The following ITPR1 variants were observed in gnomAD, a reference collection of about 807,000 sequenced individuals.
The protein encoded by ITPR1 is inositol 1,4,5-trisphosphate receptor type 1, also known as inositol 1,4,5-trisphosphate-gated calcium channel ITPR1.
A neutral mutation model predicts 318.4 loss-of-function variants in ITPR1; 96 were observed. That is an observed-to-expected ratio of 0.30 (90% CI 0.26 to 0.36). The LOEUF (loss-of-function observed/expected upper bound fraction) is 0.36. ITPR1 is among the 10% of genes least tolerant of loss of function. The pLI, the probability that ITPR1 is intolerant of heterozygous loss-of-function variation, is 1.00. For missense variants in ITPR1, 2,440 were observed against 3,460.2 expected (o/e 0.71, Z 7.40); for synonymous variants, 1,312 against 1,289.9 (o/e 1.02, Z -0.37).
chr3:4,842,657 GT>G (rs1290759579), intron 61 of ITPR1, among the ~76,000 whole-genome samples: 1 of 152,050 alleles, frequency 6.6e-6, no homozygotes, highest in Non-Finnish European at 1.5e-5. Flanking sequence ...ATGCCCAGCC[GT>G]TTTGAGGATT....
At chr3:4,729,612 C>G (rs1186673701) in intron 42 of ITPR1, among the ~76,000 whole-genome samples, 2 of 152,194 alleles carry the variant, frequency 1.3e-5, no homozygotes, top group Non-Finnish European at 2.9e-5. Context: ...TCTTCCCACG[C>G]AGTTCATTCG....
chr3:4,521,103 G>T lies in ITPR1; in HGVS notation c.163+9G>T. ...ACCTAAGAAATTCAGAGGTAAGGTG[G>T]TGGCTTTCCTGGAGTAGTCACCTTG... On this transcript the variant is annotated intron_variant, in intron 4 of 61. Coordinates refer to ENST00000649015, the MANE Select transcript of ITPR1 (RefSeq NM_001378452.1). 7 of 1,606,106 alleles carry T rather than the reference G, an allele frequency of 4.4e-6. No homozygotes were observed. In the South Asian group the frequency reaches 7.7e-5, roughly 18 times the overall value.
chr3:4,786,976 G>A (rs1261026211), intron 51 of ITPR1, among the ~76,000 whole-genome samples: 1 of 152,174 alleles, frequency 6.6e-6, no homozygotes, highest in Non-Finnish European at 1.5e-5. Context: ...TTATACCACT[G>A]CCTAGCAGTG....
At chr3:4,681,629 G>A (rs1485259615) in intron 26 of ITPR1, among the ~76,000 whole-genome samples, 17 of 142,826 alleles carry the variant, frequency 1.2e-4, no homozygotes, top group African/African-American at 3.5e-4. Flanking sequence ...GAGAAAGTGT[G>A]TGTGTGTGTG....
chr3:4,509,260 C>T (rs554708934), intron 2 of ITPR1, among the ~76,000 whole-genome samples: 2 of 152,288 alleles, frequency 1.3e-5, no homozygotes, highest in African/African-American at 4.8e-5. Flanking sequence ...AATTCAGACT[C>T]ACATATTCTG....
intron 2 of ITPR1, among the ~76,000 whole-genome samples, chr3:4,509,439 G>T (rs1350968935): frequency 6.6e-6 from 1 of 152,208 alleles, no homozygotes; most frequent in Non-Finnish European, 1.5e-5. Context: ...GGGCCAAGTA[G>T]GTTTCTGTTC....
At chr3:4,704,882 CAT>C (rs1210313634) in intron 36 of ITPR1, among the ~76,000 whole-genome samples, 1 of 152,028 alleles carries the variant, frequency 6.6e-6, no homozygotes, top group Non-Finnish European at 1.5e-5. Context: ...ATATCCAAGG[CAT>C]AGAGTTTCTA....
chr3:4,668,253 C>G (rs2093993766), intron 18 of ITPR1, among the ~76,000 whole-genome samples: 2 of 149,298 alleles, frequency 1.3e-5, no homozygotes, highest in African/African-American at 5.0e-5. Context: ...ACATCCCCAC[C>G]TCCCCCCTGC....
chr3:4,727,639 A>G (rs1033817562), intron 42 of ITPR1, among the ~76,000 whole-genome samples: 6 of 152,182 alleles, frequency 3.9e-5, no homozygotes, highest in Non-Finnish European at 7.3e-5. Context: ...TAGTGGTGCA[A>G]TCTCAGCTCA....
At chr3:4,803,229 C>T (rs1319535854) in intron 54 of ITPR1, among the ~76,000 whole-genome samples, 1 of 152,208 alleles carries the variant, frequency 6.6e-6, no homozygotes, top group Non-Finnish European at 1.5e-5. Flanking sequence ...ATCCAGTCAC[C>T]TCCCCCCAGG....
chr3:4,752,571 A>G (rs758250168), intron 44 of ITPR1, among the ~76,000 whole-genome samples: 1 of 152,242 alleles, frequency 6.6e-6, no homozygotes, highest in Admixed American at 6.5e-5. Flanking sequence ...TCTTCTGGCC[A>G]TAAAGTTATA....
chr3:4,627,171 A>T (rs965879514), intron 4 of ITPR1, among the ~76,000 whole-genome samples: 25 of 103,850 alleles, frequency 2.4e-4, no homozygotes, highest in African/African-American at 2.0e-3. Context: ...GGATTTGTAT[A>T]AAAAAAAAAA....
intron 4 of ITPR1, among the ~76,000 whole-genome samples, chr3:4,588,028 G>T (rs754504653): frequency 6.6e-6 from 1 of 152,002 alleles, no homozygotes; most frequent in Non-Finnish European, 1.5e-5. Flanking sequence ...CCCCCTCTTG[G>T]TATGAAATTA....
chr3:4,797,577 T>G (rs2047978385), intron 53 of ITPR1, among the ~76,000 whole-genome samples: 1 of 152,200 alleles, frequency 6.6e-6, no homozygotes, highest in African/African-American at 2.4e-5. Context: ...TTACAGTCTT[T>G]CAAAAGCGTG....
At chr3:4,534,916 AGAACTTTGC>A (rs1240673643) in intron 4 of ITPR1, among the ~76,000 whole-genome samples, 1 of 152,230 alleles carries the variant, frequency 6.6e-6, no homozygotes, top group Non-Finnish European at 1.5e-5. Flanking sequence ...CTATCACTTG[AGAACTTTGC>A]TTCGGTCTTG....
intron 2 of ITPR1, among the ~76,000 whole-genome samples, chr3:4,516,140 C>G (rs2082155147): frequency 6.6e-6 from 1 of 152,182 alleles, no homozygotes; most frequent in Non-Finnish European, 1.5e-5. Context: ...TAGTCACTGC[C>G]ACGTTCTTGG....
intron 2 of ITPR1, among the ~76,000 whole-genome samples, chr3:4,507,553 C>T (rs371118810): frequency 9.9e-5 from 15 of 152,284 alleles, no homozygotes; most frequent in African/African-American, 3.6e-4. Flanking sequence ...TGCAAAGAAA[C>T]GCTGAGAATG....
chr3:4,840,333 A>G (rs983399081), intron 61 of ITPR1, among the ~76,000 whole-genome samples: 5 of 152,194 alleles, frequency 3.3e-5, no homozygotes, highest in Admixed American at 6.5e-5. Context: ...TTAAAAAATA[A>G]AAGCTCCATG....
At chr3:4,586,513 T>C (rs1443206898) in intron 4 of ITPR1, among the ~76,000 whole-genome samples, 1 of 150,076 alleles carries the variant, frequency 6.7e-6, no homozygotes, top group East Asian at 1.9e-4. Context: ...AGTGCTTTTT[T>C]TTTTTTTTTT....
Sources: gnomAD v4.1 joint callset for allele counts (sites outside exome capture counted in the v4.1 genomes callset) on GRCh38, gnomAD v4.1.1 for gene constraint, MANE v1.5 for transcripts, NCBI Gene and HGNC (gene_info 2026-07-23, HGNC 2026-07-21) for gene names.